Variants in DNAH14 observed in about 807,000 individuals in gnomAD.
DNAH14 encodes axonemal beta dynein heavy chain 14.
A neutral mutation model predicts 520.9 loss-of-function variants in DNAH14; 478 were observed. The observed-to-expected ratio is 0.92, with a 90% CI of 0.85 to 0.99. The LOEUF (loss-of-function observed/expected upper bound fraction) is 0.99. Ranked by LOEUF, DNAH14 falls within the 50% of genes least tolerant of loss-of-function variation. DNAH14 has a pLI of 0.00. For synonymous variants in DNAH14, 1,581 were observed against 1,757.2 expected (o/e 0.90, Z 2.51); for missense variants, 4,831 against 5,234.5 (o/e 0.92, Z 2.38).
chr1:225,173,196 T>TGGCCAAGGACTTCATGTCTAAAAC (rs1166491691), intron 36 of DNAH14, among the ~76,000 whole-genome samples: 17 of 152,220 alleles, frequency 1.1e-4, no homozygotes, highest in Admixed American at 3.3e-4. Context: ...GACATAGGCA[T>TGGCCAAGGACTTCATGTCTAAAAC]GGCCAAGGAC....
At chr1:225,073,991 G>GTTTTTTT (rs34546228) in intron 17 of DNAH14, among the ~76,000 whole-genome samples, 1 of 55,044 alleles carries the variant, frequency 1.8e-5, no homozygotes, top group African/African-American at 5.7e-5. Flanking sequence ...GTTTTAGGAA[G>GTTTTTTT]TTTTTTTTTT....
At chr1:225,029,068 G>A (rs1461587161) in intron 11 of DNAH14, among the ~76,000 whole-genome samples, 1 of 151,970 alleles carries the variant, frequency 6.6e-6, no homozygotes, top group Non-Finnish European at 1.5e-5. Context: ...TAAGTGGATA[G>A]CCATGAAATG....
chr1:225,364,203 G>A (rs1265618627), intron 75 of DNAH14, among the ~76,000 whole-genome samples: 1 of 152,142 alleles, frequency 6.6e-6, no homozygotes, highest in African/African-American at 2.4e-5. Context: ...AGTGGTTTCT[G>A]CCACTTGTGG....
Position 225,351,729 on chromosome 1 carries a change from C to A in DNAH14, c.11379C>A (p.His3793Gln). 6.4e-7 allele frequency: 1 copy of A among 1,551,334 alleles called. No homozygotes were observed. The highest frequency in any genetic ancestry group is 2.4e-5 in the East Asian group (1 of 40,898). The stretch of plus-strand genomic sequence containing the variant: ...GGCAGTGCCAATATGTCAGCACTCA[C>A]CTGGAACCATTTTCACTTCTGTGCA... ...RWRQCQYVST[H>Q]LEPFSLLCKS... The change falls in exon 72 of 86, where the codon CAC becomes CAA. Residue 3793 changes from histidine to glutamine, a missense_variant. Physicochemically the swap from His to Gln is conservative, Grantham distance 24 (BLOSUM62 0). Transcript: ENST00000682510.
chr1:225,207,159 CCT>C lies in DNAH14; in HGVS notation c.6381_6382del (p.Cys2128GlnfsTer4). ...PMEDITVVIT[L>X]CRILDAFFDF... The stretch of plus-strand genomic sequence containing the variant: ...TGGAGGACATAACAGTCGTCATAAC[CCT>C]CTGCAGAATTCTTGATGCTTTCTTT... On this transcript the variant is annotated frameshift_variant, in exon 41 of 86. Coordinates refer to ENST00000682510, the MANE Select transcript of DNAH14 (RefSeq NM_001367479.1). LOFTEE classifies it high-confidence loss of function. 6.5e-7 allele frequency: 1 copy of C among 1,544,440 alleles called. No homozygotes were observed. Among genetic ancestry groups the C allele is most frequent in the Non-Finnish European group, 8.7e-7 (1 of 1,144,208 alleles).
At chr1:225,236,729 G>A (rs1274623736) in intron 42 of DNAH14, among the ~76,000 whole-genome samples, 1 of 152,102 alleles carries the variant, frequency 6.6e-6, no homozygotes, top group Non-Finnish European at 1.5e-5. Flanking sequence ...TAGTTTAATA[G>A]GAATAGCATT....
intron 5 of DNAH14, 144 bp downstream of exon 5, chr1:224,964,753 TA>T: frequency 2.6e-6 from 2 of 759,394 alleles, no homozygotes; most frequent in Non-Finnish European, 3.9e-6. Flanking sequence ...AATGCAAAAG[TA>T]TTTGACATCA....
chr1:225,272,617 T>C (rs1230709945), intron 51 of DNAH14, among the ~76,000 whole-genome samples: 2 of 152,136 alleles, frequency 1.3e-5, no homozygotes, highest in Admixed American at 1.3e-4. Context: ...TGTTAAAACA[T>C]ATAAACATTA....
intron 75 of DNAH14, 48 bp from the exon 76 acceptor site, chr1:225,364,744 G>A: frequency 7.5e-7 from 1 of 1,332,522 alleles, no homozygotes; most frequent in Non-Finnish European, 1.0e-6. Flanking sequence ...AAAACATGTT[G>A]GTTTACATTT....
At chr1:225,314,148 A>T (rs659720) in intron 60 of DNAH14, among the ~76,000 whole-genome samples, 18 of 152,158 alleles carry the variant, frequency 1.2e-4, no homozygotes, top group African/African-American at 3.9e-4. Flanking sequence ...TGTATTTAGG[A>T]TAGTTAGCTC....
chr1:225,237,824 CCTGT>C (rs2091702455), intron 42 of DNAH14, among the ~76,000 whole-genome samples: 1 of 151,974 alleles, frequency 6.6e-6, no homozygotes, highest in Admixed American at 6.6e-5. Flanking sequence ...TTCTTTTTCG[CCTGT>C]CTTATTCTTG....
chr1:225,300,548 A>G (rs1447068165), intron 55 of DNAH14, among the ~76,000 whole-genome samples: 1 of 152,168 alleles, frequency 6.6e-6, no homozygotes, highest in Non-Finnish European at 1.5e-5. Flanking sequence ...GAATATTTTA[A>G]AAATTAGCCA....
At chr1:225,080,072 A>G (rs937475371) in intron 18 of DNAH14, among the ~76,000 whole-genome samples, 1 of 152,156 alleles carries the variant, frequency 6.6e-6, no homozygotes, top group African/African-American at 2.4e-5. Flanking sequence ...CTAATTTCTA[A>G]CTGGAACTTA....
chr1:225,297,438 A>T (rs934255398), intron 55 of DNAH14, among the ~76,000 whole-genome samples: 3 of 151,662 alleles, frequency 2.0e-5, no homozygotes, highest in Admixed American at 2.0e-4. Context: ...TTGCTTGTTC[A>T]TGTTTGATGT....
At chr1:225,265,419 G>C in intron 48 of DNAH14, 50 bp downstream of exon 48, 1 of 1,423,710 alleles carries the variant, frequency 7.0e-7, no homozygotes, top group Non-Finnish European at 9.2e-7. Flanking sequence ...CTAGTCAAGT[G>C]ATAGTTTATT....
chr1:225,101,512 A>G (rs1368972939), intron 23 of DNAH14, among the ~76,000 whole-genome samples: 2 of 151,226 alleles, frequency 1.3e-5, no homozygotes, highest in African/African-American at 2.4e-5. Flanking sequence ...TCTCTCCACT[A>G]CTCCTCCTAT....
chr1:225,302,334 T>A (rs1373044021), intron 56 of DNAH14, among the ~76,000 whole-genome samples: 1 of 152,102 alleles, frequency 6.6e-6, no homozygotes, highest in Non-Finnish European at 1.5e-5. Context: ...CACTGAGCAG[T>A]TTTATTTGCC....
At chr1:225,213,569 C>G (rs1472127842) in intron 41 of DNAH14, among the ~76,000 whole-genome samples, 2 of 151,992 alleles carry the variant, frequency 1.3e-5, no homozygotes, top group Non-Finnish European at 2.9e-5. Flanking sequence ...TGTTTGTGTC[C>G]TCTTTTATTT....
At chr1:225,194,736 A>C (rs948752123) in intron 38 of DNAH14, among the ~76,000 whole-genome samples, 2 of 152,136 alleles carry the variant, frequency 1.3e-5, no homozygotes, top group Non-Finnish European at 2.9e-5. Flanking sequence ...GATAACCTAT[A>C]GAATTGGAGA....
Sources: gnomAD v4.1 joint callset for allele counts (sites outside exome capture counted in the v4.1 genomes callset) on GRCh38, gnomAD v4.1.1 for gene constraint, MANE v1.5 for transcripts, NCBI Gene and HGNC (gene_info 2026-07-23, HGNC 2026-07-21) for gene names.